Variants in VWF observed in about 807,000 individuals in gnomAD.
VWF encodes the protein von Willebrand factor.
VWF carries 176 observed loss-of-function variants against 308.6 expected under a neutral mutation model. The observed-to-expected ratio is 0.57, with a 90% CI of 0.50 to 0.65. VWF has a LOEUF of 0.65. VWF is among the 30% of genes least tolerant of loss of function. VWF has a pLI of 0.00. For missense variants in VWF, 3,146 were observed against 3,648.2 expected (o/e 0.86, Z 3.55); for synonymous variants, 1,385 against 1,443.4 (o/e 0.96, Z 0.92).
intron 45 of VWF, among the ~76,000 whole-genome samples, chr12:5,968,616 C>G (rs1024084257): frequency 6.6e-6 from 1 of 152,096 alleles, no homozygotes; most frequent in Non-Finnish European, 1.5e-5. Context: ...GCCAACATAG[C>G]AAAACCACAT....
chr12:6,069,555 C>T (rs1944757958), intron 10 of VWF, among the ~76,000 whole-genome samples: 2 of 152,156 alleles, frequency 1.3e-5, no homozygotes, highest in African/African-American at 4.8e-5. Context: ...ATCAGACAGC[C>T]CCACTGCCTG....
At chr12:6,124,087 C>T (rs1945460815) in intron 1 of VWF, among the ~76,000 whole-genome samples, 1 of 152,124 alleles carries the variant, frequency 6.6e-6, no homozygotes, top group Non-Finnish European at 1.5e-5. Flanking sequence ...TGCCAGGTCT[C>T]GGTCTCCAAG....
intron 34 of VWF, among the ~76,000 whole-genome samples, chr12:6,008,421 A>AT (rs1943954968): frequency 6.6e-6 from 1 of 152,216 alleles, no homozygotes; most frequent in African/African-American, 2.4e-5. Flanking sequence ...GATAAAAATC[A>AT]TACTATCATG....
intron 1 of VWF, among the ~76,000 whole-genome samples, chr12:6,123,783 G>A (rs1945458033): frequency 6.6e-6 from 1 of 152,184 alleles, no homozygotes; most frequent in Admixed American, 6.5e-5. Context: ...TGTTTGCTGA[G>A]TTCATCTGAA....
At chr12:5,973,194 A>AT (rs1396684013) in intron 43 of VWF, among the ~76,000 whole-genome samples, 1 of 151,864 alleles carries the variant, frequency 6.6e-6, no homozygotes, top group Non-Finnish European at 1.5e-5. Flanking sequence ...TCCAACCTAT[A>AT]TTTTTCAATT....
In VWF at chr12:6,019,881, C is replaced by A; in HGVS notation, c.3675-138G>T. The A allele has an allele frequency of 1.0e-6, 1 of 997,370 alleles. No homozygotes were observed. Among genetic ancestry groups the A allele is most frequent in the Admixed American group, 2.0e-5 (1 of 50,042 alleles). The allele number at this position is 997,370 out of a possible 1,614,324, so 61.8% of individuals were successfully genotyped here. ...TGAACTTGAGATCCCATGGACCATT[C>A]CACATCCAAGTGAGATGTCATTGTT... On this transcript the variant is annotated intron_variant, in intron 27 of 51. Coordinates refer to ENST00000261405, the MANE Select transcript of VWF (RefSeq NM_000552.5). The surrounding 1 kb of genome is among the most constrained non-coding windows in gnomAD (Gnocchi z 5.8).
rs143838793 is a variant in VWF, at chr12:6,018,450, C to G, written c.4968G>C (p.Thr1656=). The part of the protein sequence containing the change: ...NAPILIQDFE[T]LPREAPDLVL... ...CCAGGTCAGGAGCCTCTCGGGGGAG[C>G]GTCTCAAAGTCCTGGATGAGGATAG... The change falls in exon 28 of 52, where the codon ACG becomes ACC. Residue 1656 remains threonine, a synonymous_variant. Coordinates refer to ENST00000261405, the MANE Select transcript of VWF (RefSeq NM_000552.5). 1 of 1,612,790 alleles carries G rather than the reference C, an allele frequency of 6.2e-7. No individual in the cohort carries two copies. Among genetic ancestry groups the G allele is most frequent in the African/African-American group, 1.3e-5 (1 of 74,812 alleles).
At position 6,025,604 on chromosome 12, in the gene VWF, G is replaced by A. The variant is rs1038308544; in HGVS notation, c.3198C>T (p.Asp1066=). Residue 1066 remains aspartate, a synonymous_variant, in exon 24 of 52, where the codon GAC becomes GAT. Coordinates refer to ENST00000261405, the MANE Select transcript of VWF (RefSeq NM_000552.5). The part of the protein sequence containing the change: ...VDSSCRILTS[D]VFQDCNKLVD... The stretch of plus-strand genomic sequence containing the variant: ...CCAGCTTGTTGCAGTCCTGGAAGAC[G>A]TCACTGGTAAGGATTCTACAGGAGG... 13 of 1,488,290 alleles carry A rather than the reference G, an allele frequency of 8.7e-6. No homozygotes were observed. Among genetic ancestry groups the A allele is most frequent in the African/African-American group, 7.0e-5 (5 of 71,286 alleles). The allele number at this position is 1,488,290 out of a possible 1,614,324, so 92.2% of individuals were successfully genotyped here.
Position 6,016,879 on chromosome 12 carries a change from A to G in VWF, c.5054-9T>C, listed in dbSNP as rs185188475. 1 of 1,613,718 alleles carries G rather than the reference A, an allele frequency of 6.2e-7. No homozygotes were observed. The highest frequency in any genetic ancestry group is 2.2e-5 in the East Asian group (1 of 44,870). On this transcript the variant is annotated splice_polypyrimidine_tract_variant and intron_variant, in intron 28 of 51. Coordinates refer to ENST00000261405, the MANE Select transcript of VWF (RefSeq NM_000552.5). ...CAGGGGCTGGCTGCAGTCTGCAAAGACAACCAGGAAGGTGAGCACACAGGT... is the reference window on the plus strand; with the variant it reads ...CAGGGGCTGGCTGCAGTCTGCAAAGGCAACCAGGAAGGTGAGCACACAGGT...
At chr12:6,041,706 CAA>C (rs1319775485) in intron 18 of VWF, among the ~76,000 whole-genome samples, 1 of 152,130 alleles carries the variant, frequency 6.6e-6, no homozygotes, top group Non-Finnish European at 1.5e-5. Context: ...CTCAGCCTCC[CAA>C]AGTGCTGGGA....
At chr12:6,085,976 GC>G (rs959665604) in intron 6 of VWF, among the ~76,000 whole-genome samples, 1 of 152,108 alleles carries the variant, frequency 6.6e-6, no homozygotes, top group Admixed American at 6.5e-5. Flanking sequence ...CTGCCATGAG[GC>G]TAGACCCCCA....
At chr12:6,110,655 C>T in intron 4 of VWF, 73 bp from the exon 5 acceptor site, 1 of 1,522,842 alleles carries the variant, frequency 6.6e-7, no homozygotes, top group Non-Finnish European at 9.1e-7. Flanking sequence ...CCTTCTAACC[C>T]CAACCCCATG....
In VWF at chr12:6,056,983, T is replaced by C; in HGVS notation, c.1819A>G (p.Asn607Asp). The change falls in exon 15 of 52, where the codon AAC (asparagine) becomes GAC (aspartate). Residue 607 changes from asparagine (N) to aspartate (D), a missense_variant. By Grantham distance (23) the Asn-to-Asp change is conservative. Around this residue, in one of 3 missense-constraint regions of VWF, gnomAD observed 1,304 missense variants for 1,353.0 expected, o/e 0.96. Coordinates refer to ENST00000261405, the MANE Select transcript of VWF (RefSeq NM_000552.5). ...CAGGAGCACACGTCGTAGCGGCAGTTCCGCAGGTAGGGCAGCGGGCTGACG... is the reference window on the plus strand; with the variant it reads ...CAGGAGCACACGTCGTAGCGGCAGTCCCGCAGGTAGGGCAGCGGGCTGACG... ...RAVSPLPYLR[N>D]CRYDVCSCSD... 1 of 1,544,570 alleles carries C rather than the reference T, an allele frequency of 6.5e-7. No homozygotes were observed. The highest frequency in any genetic ancestry group is 2.4e-5 in the East Asian group (1 of 41,492).
chr12:6,032,441 C>T (rs1441656058), intron 20 of VWF, among the ~76,000 whole-genome samples: 1 of 151,774 alleles, frequency 6.6e-6, no homozygotes, highest in Non-Finnish European at 1.5e-5. Flanking sequence ...AGATCGAGAC[C>T]AGCCTGGTTA....
intron 9 of VWF, among the ~76,000 whole-genome samples, 155 bp from the exon 10 acceptor site, chr12:6,071,498 T>C (rs78142130): frequency 0.051 from 7,752 of 152,146 alleles, 648 homozygotes; most frequent in African/African-American, 0.17. Context: ...AGGGTTAAAA[T>C]TGTACAGGAC....
chr12:6,120,310 T>C (rs944241501), intron 3 of VWF, among the ~76,000 whole-genome samples: 10 of 152,066 alleles, frequency 6.6e-5, no homozygotes, highest in African/African-American at 2.4e-4. Flanking sequence ...AGTCCAGTTT[T>C]TTTGTTTTTT....
At chr12:5,963,740 A>G (rs1943344747) in intron 47 of VWF, among the ~76,000 whole-genome samples, 1 of 152,180 alleles carries the variant, frequency 6.6e-6, no homozygotes, top group Non-Finnish European at 1.5e-5. Flanking sequence ...CAAGTGGTGC[A>G]ATCATAGCTC....
chr12:6,000,651 A>C (rs1262705260), intron 34 of VWF, among the ~76,000 whole-genome samples: 1 of 151,808 alleles, frequency 6.6e-6, no homozygotes, highest in Non-Finnish European at 1.5e-5. Context: ...ACAAAAAAAA[A>C]AATACGAAAA....
chr12:6,096,579 T>C (rs754712247), intron 5 of VWF, among the ~76,000 whole-genome samples: 61 of 152,234 alleles, frequency 4.0e-4, no homozygotes, highest in Non-Finnish European at 4.0e-4. Context: ...GGATTACGAA[T>C]GCTCAAAATA....
Sources: allele counts gnomAD v4.1 joint callset (sites outside exome capture counted in the v4.1 genomes callset), GRCh38; gene constraint gnomAD v4.1.1; regional missense constraint gnomAD v4.1.1; non-coding constraint Gnocchi (gnomAD v3.1); transcripts MANE v1.5; gene names NCBI Gene and HGNC (gene_info 2026-07-23, HGNC 2026-07-21).